PDE1C: variants seen among roughly 807,000 people sequenced by gnomAD.
PDE1C encodes dual specificity calcium/calmodulin-dependent 3',5'-cyclic nucleotide phosphodiesterase 1C.
A neutral mutation model predicts 93.1 loss-of-function variants in PDE1C; 62 were observed. That is an observed-to-expected ratio of 0.67 (90% confidence interval 0.54 to 0.82). The LOEUF (loss-of-function observed/expected upper bound fraction) is 0.82, where lower values mean the gene tolerates loss of function less well. Ranked by LOEUF, PDE1C falls within the 40% of genes least tolerant of loss-of-function variation. The pLI, the probability that PDE1C is intolerant of heterozygous loss-of-function variation, is 0.00. For missense variants in PDE1C, 742 were observed against 884.6 expected, an observed-to-expected ratio of 0.84 and a Z score of 2.04; for synonymous variants, 325 against 310.1, an observed-to-expected ratio of 1.05 and a Z score of -0.50.
chr7:32,374,973 T>C (rs1237736678), intron 1 of PDE1C, among the ~76,000 whole-genome samples: 1 of 152,124 alleles, frequency 6.6e-6, no homozygotes, highest in Non-Finnish European at 1.5e-5. Flanking sequence ...GGACGCCCAG[T>C]TGCCCAGATT....
chr7:31,826,747 C>A (rs954737608), intron 12 of PDE1C, among the ~76,000 whole-genome samples: 1 of 152,154 alleles, frequency 6.6e-6, no homozygotes, highest in African/African-American at 2.4e-5. Flanking sequence ...CAACTACTTT[C>A]CTTGCCTCTA....
At chr7:31,953,852 A>C (rs879363253) in intron 2 of PDE1C, among the ~76,000 whole-genome samples, 14 of 152,226 alleles carry the variant, frequency 9.2e-5, no homozygotes, top group African/African-American at 2.4e-4. Context: ...ATTAAGAAAA[A>C]AAAACCAGTA....
chr7:32,298,077 G>C (rs974363206), intron 1 of PDE1C, among the ~76,000 whole-genome samples: 2 of 103,780 alleles, frequency 1.9e-5, no homozygotes, highest in Non-Finnish European at 3.7e-5. Flanking sequence ...CTCTCTCTCT[G>C]AATTCCCCGG....
Position 32,369,429 on chromosome 7 carries a change from A to C in PDE1C, c.310+58393T>G, listed in dbSNP as rs866394109. Among the ~76,000 whole-genome samples, 7 of 152,366 alleles carry C rather than the reference A, an allele frequency of 4.6e-5. 1 individual carries two copies. The highest frequency in any genetic ancestry group is 4.1e-4 in the South Asian group (2 of 4,832). On this transcript the variant is annotated intron_variant, in intron 1 of 1. Coordinates refer to the PDE1C transcript ENST00000672256. ...TTAACATCAGTGAAATCAAAATCACAGTGAGTTATAATCTCATCCCAGTTA... is the reference window on the plus strand; with the variant it reads ...TTAACATCAGTGAAATCAAAATCACCGTGAGTTATAATCTCATCCCAGTTA...
intron 3 of PDE1C, among the ~76,000 whole-genome samples, chr7:32,164,283 A>G (rs577529725): frequency 1.6e-4 from 25 of 152,334 alleles, no homozygotes; most frequent in African/African-American, 5.8e-4. Flanking sequence ...GTGGATTGAA[A>G]ACATAAGTCT....
intron 1 of PDE1C, among the ~76,000 whole-genome samples, chr7:32,354,813 TGA>T (rs1238690901): frequency 6.6e-6 from 1 of 152,204 alleles, no homozygotes; most frequent in African/African-American, 2.4e-5. Flanking sequence ...CAGCATTCAG[TGA>T]GAGTCAGTAC....
intron 2 of PDE1C, among the ~76,000 whole-genome samples, chr7:32,017,523 T>C (rs567164028): frequency 6.7e-4 from 102 of 152,272 alleles, no homozygotes; most frequent in Non-Finnish European, 1.2e-3. Flanking sequence ...TTAAAACATT[T>C]TGTGCTTTAA....
chr7:32,125,797 G>A (rs1349527433), intron 3 of PDE1C, among the ~76,000 whole-genome samples: 3 of 152,036 alleles, frequency 2.0e-5, no homozygotes, highest in African/African-American at 7.2e-5. Context: ...GTATATCTAT[G>A]TAACAAACCT....
intron 1 of PDE1C, among the ~76,000 whole-genome samples, chr7:32,373,078 T>C (rs1278840866): frequency 6.6e-6 from 1 of 152,142 alleles, no homozygotes. Context: ...AATCATGAAA[T>C]TACCATGTGA....
chr7:32,158,694 C>T (rs913235496), intron 3 of PDE1C, among the ~76,000 whole-genome samples: 4 of 152,106 alleles, frequency 2.6e-5, no homozygotes, highest in African/African-American at 4.8e-5. Context: ...ACCTTCATTT[C>T]GATGCTACGT....
intron 2 of PDE1C, among the ~76,000 whole-genome samples, chr7:31,931,261 G>T (rs1478273613): frequency 2.0e-5 from 3 of 152,124 alleles, no homozygotes; most frequent in Non-Finnish European, 4.4e-5. Flanking sequence ...GAGAAAGAAA[G>T]AAAGTGTATT....
intron 1 of PDE1C, among the ~76,000 whole-genome samples, chr7:32,420,259 GTA>G (rs1364900805): frequency 2.7e-5 from 1 of 37,452 alleles, no homozygotes; most frequent in East Asian, 6.4e-4. Flanking sequence ...ATATACATGT[GTA>G]TATATATGTG....
At chr7:32,364,088 C>T (rs58907215) in intron 1 of PDE1C, among the ~76,000 whole-genome samples, 5,999 of 152,266 alleles carry the variant, frequency 0.039, 180 homozygotes, top group East Asian at 0.097. Flanking sequence ...CTCACTGCAG[C>T]CACCCACTAT....
intron 2 of PDE1C, among the ~76,000 whole-genome samples, chr7:32,012,810 A>G (rs1787330363): frequency 6.6e-6 from 1 of 152,216 alleles, no homozygotes; most frequent in Non-Finnish European, 1.5e-5. Context: ...CAAATGACCT[A>G]CTATTTCAAG....
At chr7:32,153,153 C>T (rs1309343500) in intron 3 of PDE1C, among the ~76,000 whole-genome samples, 2 of 152,276 alleles carry the variant, frequency 1.3e-5, no homozygotes, top group East Asian at 1.9e-4. Context: ...CTACAGATCA[C>T]GTTCCCAAAA....
chr7:32,070,643 G>A (rs1180932458), upstream of PDE1C: 17 of 1,385,562 alleles, frequency 1.2e-5, no homozygotes, highest in Non-Finnish European at 1.6e-5. Flanking sequence ...AATGCCCAGG[G>A]ATAAGCACAG....
intron 2 of PDE1C, among the ~76,000 whole-genome samples, chr7:32,039,410 G>A (rs1431457330): frequency 3.3e-5 from 5 of 152,202 alleles, no homozygotes; most frequent in Admixed American, 3.3e-4. Flanking sequence ...TTTAATTGCA[G>A]TGCTAATTCT....
intron 2 of PDE1C, among the ~76,000 whole-genome samples, chr7:31,927,629 C>G (rs977107882): frequency 6.6e-6 from 1 of 152,168 alleles, no homozygotes; most frequent in Admixed American, 6.5e-5. Context: ...TTTTCTGCAG[C>G]CTCCGCTGGT....
At chr7:32,162,350 G>A (rs1801975050) in intron 3 of PDE1C, among the ~76,000 whole-genome samples, 1 of 152,188 alleles carries the variant, frequency 6.6e-6, no homozygotes, top group South Asian at 2.1e-4. Flanking sequence ...CAAGCTAGAA[G>A]TGATGCACCA....
Sources: gnomAD v4.1 joint callset for allele counts (sites outside exome capture counted in the v4.1 genomes callset) on GRCh38, gnomAD v4.1.1 for gene constraint, MANE v1.5 for transcripts, NCBI Gene and HGNC (gene_info 2026-07-23, HGNC 2026-07-21) for gene names.